Variants in NAV1 observed in about 807,000 individuals in gnomAD.
The protein encoded by NAV1 is pore membrane and/or filament interacting like protein 3.
In NAV1, 18 loss-of-function variants were observed where a neutral mutation model predicts 175.2. The ratio of observed to expected loss-of-function variants is 0.10; its 90% confidence interval spans 0.07 to 0.15. NAV1 has a LOEUF of 0.15. NAV1 is among the 10% of genes least tolerant of loss of function. The pLI, the probability that NAV1 is intolerant of heterozygous loss-of-function variation, is 1.00. For synonymous variants in NAV1, 897 were observed against 978.7 expected, an observed-to-expected ratio of 0.92 and a Z score of 1.56; for missense variants, 1,731 against 2,436.6, an observed-to-expected ratio of 0.71 and a Z score of 6.10.
chr1:201,755,435 AAGAG>A (rs1256068344), intron 3 of NAV1, among the ~76,000 whole-genome samples: 1 of 152,210 alleles, frequency 6.6e-6, no homozygotes, highest in Non-Finnish European at 1.5e-5. Flanking sequence ...AAAAAGAAGA[AAGAG>A]AAGAAGAGGA....
chr1:201,800,079 A>G (rs544414024), intron 15 of NAV1, among the ~76,000 whole-genome samples: 54 of 151,934 alleles, frequency 3.6e-4, no homozygotes, highest in Non-Finnish European at 6.0e-4. Context: ...AGCTCACTGC[A>G]GCCTCGATCC....
intron 1 of NAV1, among the ~76,000 whole-genome samples, chr1:201,543,515 T>C (rs1374830948): frequency 6.7e-6 from 1 of 150,138 alleles, no homozygotes; most frequent in East Asian, 1.9e-4. Flanking sequence ...TTTTTTTTTA[T>C]CTGCAAAGTT....
intron 3 of NAV1, chr1:201,737,211 G>C (rs1673151238): frequency 6.6e-6 from 1 of 152,184 alleles, no homozygotes; most frequent in African/African-American, 2.4e-5. Context: ...GTGCTAATTT[G>C]CATGTTACTT....
rs182126151 is a variant in NAV1, at chr1:201,718,866, C to T, written c.1226+111C>T. On this transcript the variant is annotated intron_variant, in intron 3 of 29. Coordinates refer to ENST00000367296, the Ensembl canonical transcript of NAV1. The surrounding 1 kb of genome is among the most constrained non-coding windows in gnomAD (Gnocchi z 4.8). The stretch of plus-strand genomic sequence containing the variant: ...AAACGGGTTTTGGTTTGCTGTGCTG[C>T]TATGAAAGTACACAAAAGTGTGCTG... The T allele has an allele frequency of 5.0e-4, 679 of 1,345,326 alleles. 2 individuals are homozygous for T. The highest frequency in any genetic ancestry group is 3.8e-3 in the Admixed American group (182 of 47,402). 83.3% of individuals were successfully genotyped at this position (1,345,326 alleles called of 1,614,324 possible).
intron 7 of NAV1, among the ~76,000 whole-genome samples, chr1:201,784,617 G>T (rs1017786052): frequency 6.7e-6 from 1 of 149,464 alleles, no homozygotes; most frequent in African/African-American, 2.5e-5. Context: ...GCCCAGACTG[G>T]ACTCAAAACT....
intron 1 of NAV1, among the ~76,000 whole-genome samples, chr1:201,584,905 C>A (rs1267915117): frequency 6.6e-6 from 1 of 152,224 alleles, no homozygotes; most frequent in Non-Finnish European, 1.5e-5. Context: ...GTCCTGGCAT[C>A]CCACGGGAGA....
At chr1:201,701,125 A>G (rs1671405699) in intron 1 of NAV1, among the ~76,000 whole-genome samples, 1 of 151,812 alleles carries the variant, frequency 6.6e-6, no homozygotes, top group Non-Finnish European at 1.5e-5. Context: ...TCATGGATGA[A>G]GCTGGAAACC....
Position 201,794,384 on chromosome 1 carries a change from G to A in NAV1, c.3406-82G>A, listed in dbSNP as rs186919100. 584 of 1,277,112 alleles carry A rather than the reference G, an allele frequency of 4.6e-4. 3 individuals carry two copies. The African/African-American group carries it at 7.6e-3, about 17-fold the overall frequency. The allele number at this position is 1,277,112 out of a possible 1,614,324, so 79.1% of individuals were successfully genotyped here. The stretch of plus-strand genomic sequence containing the variant: ...TTGAACTCCTGACCTCAGGTGATCC[G>A]CCCACCTCGGCCTCCCAAAGTGCTG... On this transcript the variant is annotated intron_variant, in intron 14 of 29. Transcript: ENST00000367296.
intron 3 of NAV1, among the ~76,000 whole-genome samples, chr1:201,772,382 C>T (rs989063141): frequency 5.9e-5 from 9 of 152,198 alleles, no homozygotes; most frequent in African/African-American, 2.2e-4. Context: ...CAGATCACTG[C>T]ATAGTGGTGT....
chr1:201,698,903 T>C (rs569484595), intron 1 of NAV1, among the ~76,000 whole-genome samples: 1 of 152,330 alleles, frequency 6.6e-6, no homozygotes, highest in East Asian at 1.9e-4. Flanking sequence ...CTGGCAAGTC[T>C]CTGTCTAACT....
intron 8 of NAV1, 50 bp downstream of exon 12, chr1:201,785,401 G>C (rs761298806): frequency 1.9e-6 from 3 of 1,565,028 alleles, no homozygotes; most frequent in Non-Finnish European, 2.6e-6. Flanking sequence ...CTGCTGGTAT[G>C]TATGAAAAAT....
At position 201,649,129 on chromosome 1, in the gene NAV1, C is replaced by T. The variant is rs894248875; in HGVS notation, c.461C>T (p.Ala154Val). 6.2e-7 allele frequency: 1 copy of T among 1,612,032 alleles called. No individual in the cohort carries two copies. Among genetic ancestry groups the T allele is most frequent in the Non-Finnish European group, 8.5e-7 (1 of 1,179,470 alleles). ...CTCTTCCAGGCCAAGGGCAGCCCGG[C>T]GGGCGGCGCCAAGACCCCCCTGGCT... The change falls in exon 1 of 30, where the codon GCG (alanine) becomes GTG (valine). Residue 154 changes from alanine to valine, a missense_variant. This residue lies in a region of NAV1 where 487 missense variants were observed against 581.3 expected (regional missense o/e 0.84). Coordinates refer to ENST00000367296, the Ensembl canonical transcript of NAV1.
rs768265830 is a variant in NAV1 at position 201,808,814 on chromosome 1, C to G, written c.4150C>G (p.Arg1384Gly). 6.2e-7 allele frequency: 1 copy of G among 1,614,052 alleles called. No individual in the cohort carries two copies. The highest frequency in any genetic ancestry group is 8.5e-7 in the Non-Finnish European group (1 of 1,180,048). The change falls in exon 20 of 30, where the codon CGC (arginine) becomes GGC (glycine). Residue 1384 changes from arginine (R) to glycine (G), a missense_variant. Physicochemically the swap from Arg to Gly is moderately radical, Grantham distance 125. Transcript: ENST00000367296. The surrounding 1 kb of genome is among the most constrained non-coding windows in gnomAD (Gnocchi z 5.5). The stretch of plus-strand genomic sequence containing the variant: ...TGGATCATCTGCATTATCTTCCCCA[C>G]GCCGCTCCCTAGGCCTGGCACTCAC...
At chr1:201,671,250 A>G (rs1328417902) in intron 1 of NAV1, among the ~76,000 whole-genome samples, 1 of 152,160 alleles carries the variant, frequency 6.6e-6, no homozygotes, top group Non-Finnish European at 1.5e-5. Context: ...ACCAAGTGCT[A>G]AATCTCAGTG....
At chr1:201,815,232 A>C (rs778419828) in intron 28 of NAV1, among the ~76,000 whole-genome samples, 1 of 152,090 alleles carries the variant, frequency 6.6e-6, no homozygotes, top group Non-Finnish European at 1.5e-5. Context: ...AAAATTATTC[A>C]GTTGTAAAAA....
At chr1:201,557,925 C>T (rs1418564848) in intron 1 of NAV1, among the ~76,000 whole-genome samples, 1 of 152,114 alleles carries the variant, frequency 6.6e-6, no homozygotes, top group Non-Finnish European at 1.5e-5. Flanking sequence ...GCATGGAACC[C>T]TGCGCAAGGG....
At chr1:201,764,482 C>T (rs776115719) in intron 3 of NAV1, among the ~76,000 whole-genome samples, 4 of 152,112 alleles carry the variant, frequency 2.6e-5, no homozygotes, top group Admixed American at 6.6e-5. Flanking sequence ...TATAAGGACA[C>T]GAGTCCTATC....
intron 1 of NAV1, among the ~76,000 whole-genome samples, chr1:201,653,729 G>A (rs1452365643): frequency 6.6e-6 from 1 of 152,148 alleles, no homozygotes; most frequent in African/African-American, 2.4e-5. Context: ...GCAGGAGAGT[G>A]AGGACAAAGC....
At chr1:201,593,811 A>G (rs182292583) in intron 2 of NAV1, among the ~76,000 whole-genome samples, 1 of 152,240 alleles carries the variant, frequency 6.6e-6, no homozygotes, top group African/African-American at 2.4e-5. Flanking sequence ...GCCACTCCCC[A>G]CTTTCAGTAC....
Sources: allele counts gnomAD v4.1 joint callset (sites outside exome capture counted in the v4.1 genomes callset), GRCh38; gene constraint gnomAD v4.1.1; regional missense constraint gnomAD v4.1.1; non-coding constraint Gnocchi (gnomAD v3.1); transcripts MANE v1.5; gene names NCBI Gene and HGNC (gene_info 2026-07-23, HGNC 2026-07-21).